The following MS4A6E variants were observed in gnomAD, a reference collection of about 807,000 sequenced individuals.
The protein encoded by MS4A6E is membrane-spanning 4-domains subfamily A member 6E.
MS4A6E carries 8 observed loss-of-function variants against 13.2 expected under a neutral mutation model. That is an observed-to-expected ratio of 0.60 (90% CI 0.35 to 1.09). The LOEUF is 1.09. Ranked by LOEUF, MS4A6E falls within the 50% of genes least tolerant of loss-of-function variation. The pLI, the probability that MS4A6E is intolerant of heterozygous loss-of-function variation, is 0.02. For synonymous variants in MS4A6E, 72 were observed against 67.6 expected (o/e 1.06, Z -0.32); for missense variants, 177 against 171.1 (o/e 1.03, Z -0.19).
In MS4A6E at chr11:60,337,945, G is replaced by A. The variant is rs2085199931; in HGVS notation, c.352G>A (p.Ala118Thr). Residue 118 changes from alanine to threonine, a missense_variant and splice_region_variant, in exon 3 of 5, where the codon GCT becomes ACT. Coordinates refer to ENST00000684409, the MANE Select transcript of MS4A6E (RefSeq NM_139249.4). Reference sequence around the variant, plus strand: ...CTGCCATAGAGCCAAAGCCAGTCTGGCTGTAAGTATTTTTTAGATGGGATG... The same window carrying A: ...CTGCCATAGAGCCAAAGCCAGTCTGACTGTAAGTATTTTTTAGATGGGATG... ...MDCHRAKASL[A>T]GTLSLMLVST... The A allele has an allele frequency of 3.7e-6, 6 of 1,613,450 alleles. No individual in the cohort carries two copies. Among genetic ancestry groups the A allele is most frequent in the Non-Finnish European group, 5.1e-6 (6 of 1,179,560 alleles).
At chr11:60,348,522 G>A (rs916476112) in intron 4 of MS4A6E, among the ~76,000 whole-genome samples, 2 of 152,214 alleles carry the variant, frequency 1.3e-5, no homozygotes, top group Non-Finnish European at 2.9e-5. Context: ...CAGAGGATAA[G>A]AGATATGGCA....
chr11:60,338,009 A>T, intron 3 of MS4A6E, 62 bp downstream of exon 3: 2 of 1,512,326 alleles, frequency 1.3e-6, no homozygotes, highest in East Asian at 2.3e-5. Context: ...TTGATTTCTT[A>T]TTATTCCATC....
rs1413317426 is a variant in MS4A6E at position 60,332,058 on chromosome 11, CAGACAA to C, written c.-14-2818_-14-2813del. 2.0e-5 allele frequency among the ~76,000 whole-genome samples: 3 copies of C among 152,144 alleles called. No individual in the cohort carries two copies. In the East Asian group the frequency reaches 5.8e-4, roughly 29 times the overall value. ...GGTATTTTTGTTATAACAGTCTGAA[CAGACAA>C]AGACAGGTGGTATTCACATGCTATT... On this transcript the variant is annotated intron_variant, in intron 1 of 4. Coordinates refer to ENST00000684409, the MANE Select transcript of MS4A6E (RefSeq NM_139249.4).
At chr11:60,346,090 A>G (rs1340275015), downstream of MS4A6E, among the ~76,000 whole-genome samples, 1 of 152,046 alleles carries the variant, frequency 6.6e-6, no homozygotes, top group Non-Finnish European at 1.5e-5. Flanking sequence ...CATCAGTCCT[A>G]TTGGACCATC....
rs1590776525 is a variant in MS4A6E, at chr11:60,339,720, G to A, written c.355-146G>A. ...AGGAGTTGAATTAAGACAATTGTGAGGAGGAGCAGTTTTGTTTTCCTGATT... is the reference window on the plus strand; with the variant it reads ...AGGAGTTGAATTAAGACAATTGTGAAGAGGAGCAGTTTTGTTTTCCTGATT... On this transcript the variant is annotated intron_variant, in intron 3 of 4. Coordinates refer to ENST00000684409, the MANE Select transcript of MS4A6E (RefSeq NM_139249.4). The A allele has an allele frequency of 1.2e-5, 8 of 685,598 alleles. No homozygotes were observed. In the East Asian group the frequency reaches 1.3e-4, roughly 12 times the overall value. 42.5% of individuals were successfully genotyped at this position (685,598 alleles called of 1,614,324 possible). A position where few individuals can be genotyped will look rare whatever the true frequency, so the allele number is the denominator to read the frequency against.
At chr11:60,344,932 GTTTT>G (rs1267443191), downstream of MS4A6E, among the ~76,000 whole-genome samples, 1 of 151,380 alleles carries the variant, frequency 6.6e-6, no homozygotes, top group Non-Finnish European at 1.5e-5. Context: ...TTGTTTTTTT[GTTTT>G]TTGTTTTTTG....
intron 4 of MS4A6E, 38 bp from the exon 5 acceptor site, chr11:60,340,738 C>T (rs764702640): frequency 1.5e-4 from 29 of 195,930 alleles, no homozygotes; most frequent in Non-Finnish European, 2.8e-4. Context: ...ACCTAACATA[C>T]TTTGTTTCTT....
At chr11:60,343,355 G>C (rs138172261), downstream of MS4A6E, among the ~76,000 whole-genome samples, 18 of 151,972 alleles carry the variant, frequency 1.2e-4, no homozygotes, top group Middle Eastern at 3.4e-3. Context: ...TTTTGCATAA[G>C]TGTCCCCCAA....
In MS4A6E at chr11:60,330,466, C is replaced by G. The variant is rs1245509631; in HGVS notation, c.-15+3058C>G. ...ACACCATTCTCCTGCCTCAGCCTCCCGAGTAGCTGGGATACAGGCACCCAC... is the reference window on the plus strand; with the variant it reads ...ACACCATTCTCCTGCCTCAGCCTCCGGAGTAGCTGGGATACAGGCACCCAC... On this transcript the variant is annotated intron_variant, in intron 1 of 4. Transcript: ENST00000684409. 1.6e-5 allele frequency among the ~76,000 whole-genome samples: 2 copies of G among 127,494 alleles called. 1 individual carries two copies. The highest frequency in any genetic ancestry group is 4.9e-4 in the East Asian group (2 of 4,104). 83.6% of individuals were successfully genotyped at this position (127,494 alleles called of 152,430 possible). A position where few individuals can be genotyped will look rare whatever the true frequency, so the allele number is the denominator to read the frequency against.
chr11:60,343,964 G>T (rs762129445), downstream of MS4A6E, among the ~76,000 whole-genome samples: 12 of 152,120 alleles, frequency 7.9e-5, no homozygotes, highest in Non-Finnish European at 1.5e-5. Context: ...AGAGAAGGGA[G>T]AGCTTTCACC....
rs1268483700 is a variant in MS4A6E, at chr11:60,337,948, G to GT, written c.354+2dup. On this transcript the variant is annotated splice_donor_variant, in intron 3 of 4. Coordinates refer to ENST00000684409, the MANE Select transcript of MS4A6E (RefSeq NM_139249.4). LOFTEE classifies it high-confidence loss of function. ...CCATAGAGCCAAAGCCAGTCTGGCT[G>GT]TAAGTATTTTTTAGATGGGATGTTC... is the stretch of plus-strand genomic sequence containing the variant. The GT allele has an allele frequency of 2.5e-6, 4 of 1,612,884 alleles. No individual in the cohort carries two copies. The highest frequency in any genetic ancestry group is 3.4e-6 in the Non-Finnish European group (4 of 1,179,138).
intron 4 of MS4A6E, among the ~76,000 whole-genome samples, chr11:60,347,504 G>A (rs745891053): frequency 6.6e-6 from 1 of 150,600 alleles, no homozygotes; most frequent in Non-Finnish European, 1.5e-5. Context: ...GGTCAGAGGA[G>A]TCCCAATGTT....
chr11:60,337,416 C>G (rs2085194504), intron 2 of MS4A6E, among the ~76,000 whole-genome samples: 1 of 152,094 alleles, frequency 6.6e-6, no homozygotes, highest in East Asian at 1.9e-4. Context: ...TGCTTGTGGT[C>G]ACACTCACAG....
At chr11:60,337,617 A>G (rs2085195470) in intron 2 of MS4A6E, 124 bp from the exon 3 acceptor site, 2 of 1,189,698 alleles carry the variant, frequency 1.7e-6, no homozygotes, top group South Asian at 1.5e-5. Flanking sequence ...ACAACAAGAA[A>G]TGATCCCTCC....
At chr11:60,340,597 C>T (rs1183561447) in intron 4 of MS4A6E, among the ~76,000 whole-genome samples, 179 bp from the exon 5 acceptor site, 2 of 152,306 alleles carry the variant, frequency 1.3e-5, no homozygotes, top group East Asian at 1.9e-4. Flanking sequence ...GAATACTAGA[C>T]TGATAAATTG....
chr11:60,342,262 C>T (rs2085232679), downstream of MS4A6E, among the ~76,000 whole-genome samples: 1 of 151,596 alleles, frequency 6.6e-6, no homozygotes, highest in Non-Finnish European at 1.5e-5. Context: ...CACCTCCCCA[C>T]TATTAATCAC....
intron 4 of MS4A6E, 69 bp downstream of exon 4, chr11:60,340,033 T>C: frequency 8.2e-6 from 13 of 1,592,392 alleles, no homozygotes; most frequent in Non-Finnish European, 1.1e-5. Context: ...GTTGAGTATG[T>C]CACCAAGAGT....
chr11:60,335,117 C>T (rs1187499364), intron 2 of MS4A6E, 75 bp downstream of exon 2: 2 of 1,571,544 alleles, frequency 1.3e-6, no homozygotes, highest in Non-Finnish European at 1.7e-6. Context: ...TGGGACTGGT[C>T]ATCCTTGTGA....
At chr11:60,341,860 G>A (rs956444819), downstream of MS4A6E, among the ~76,000 whole-genome samples, 3 of 152,008 alleles carry the variant, frequency 2.0e-5, no homozygotes, top group Non-Finnish European at 2.9e-5. Context: ...ACCCCCCACT[G>A]ACACACACCA....
Sources: allele counts gnomAD v4.1 joint callset (sites outside exome capture counted in the v4.1 genomes callset), GRCh38; gene constraint gnomAD v4.1.1; transcripts MANE v1.5; gene names NCBI Gene and HGNC (gene_info 2026-07-23, HGNC 2026-07-21).